CREB5: variants seen among roughly 807,000 people sequenced by gnomAD.
The protein encoded by CREB5 is cyclic AMP-responsive element-binding protein 5.
CREB5 carries 19 observed loss-of-function variants against 57.1 expected under a neutral mutation model. The observed-to-expected ratio is 0.33, with a 90% CI of 0.23 to 0.49. The LOEUF is 0.49. Ranked by LOEUF, CREB5 falls within the 20% of genes least tolerant of loss-of-function variation. The pLI is 0.99. For missense variants in CREB5, 579 were observed against 671.6 expected (o/e 0.86, Z 1.52); for synonymous variants, 238 against 238.3 (o/e 1.00, Z 0.01).
chr7:28,784,626 T>A (rs1357288278), intron 7 of CREB5, among the ~76,000 whole-genome samples: 1 of 152,076 alleles, frequency 6.6e-6, no homozygotes, highest in Non-Finnish European at 1.5e-5. Context: ...ATGCAGAAAT[T>A]TCGCGCCAGT....
At chr7:28,360,703 G>C (rs1049182131) in intron 1 of CREB5, among the ~76,000 whole-genome samples, 1 of 152,088 alleles carries the variant, frequency 6.6e-6, no homozygotes, top group African/African-American at 2.4e-5. Context: ...ATATCACTTT[G>C]TGCCCCATAA....
intron 1 of CREB5, among the ~76,000 whole-genome samples, chr7:28,383,363 C>T (rs1215689181): frequency 6.6e-6 from 1 of 152,142 alleles, no homozygotes; most frequent in East Asian, 1.9e-4. Flanking sequence ...TGTATTAGTC[C>T]ATTCTTGCAT....
At chr7:28,513,398 C>G (rs1019937426) in intron 4 of CREB5, 9 of 152,124 alleles carry the variant, frequency 5.9e-5, no homozygotes. Context: ...TTGAAAATGT[C>G]CCCGTGTTTG....
chr7:28,358,005 A>G (rs1198798835), intron 1 of CREB5, among the ~76,000 whole-genome samples: 1 of 152,172 alleles, frequency 6.6e-6, no homozygotes, highest in Non-Finnish European at 1.5e-5. Flanking sequence ...TGTGGAAAAA[A>G]GAGCCCGAGT....
chr7:28,787,745 G>A (rs988821339), intron 7 of CREB5, among the ~76,000 whole-genome samples: 3 of 152,262 alleles, frequency 2.0e-5, no homozygotes, highest in Non-Finnish European at 4.4e-5. Flanking sequence ...TATAGAGACA[G>A]GGTTTGCCTT....
At chr7:28,674,409 T>C (rs992137075) in intron 5 of CREB5, among the ~76,000 whole-genome samples, 5 of 152,172 alleles carry the variant, frequency 3.3e-5, no homozygotes, top group Non-Finnish European at 7.3e-5. Context: ...CCAGGACTCT[T>C]TCCTGTCCAC....
chr7:28,807,427 C>T (rs1028997800), intron 8 of CREB5, among the ~76,000 whole-genome samples: 6 of 152,070 alleles, frequency 3.9e-5, no homozygotes, highest in Admixed American at 6.6e-5. Context: ...CCAGGCTGGG[C>T]GACAGAGAGA....
rs1794897125 is a variant in CREB5, at chr7:28,556,746, A to G, written c.292-13619A>G. Among the ~76,000 whole-genome samples, 6 of 152,262 alleles carry G rather than the reference A, an allele frequency of 3.9e-5. No homozygotes were observed. The South Asian group carries it at 1.2e-3, about 32-fold the overall frequency. ...CCTGAAAGCCTGGCCCGTACACACA[A>G]TCTTAATGAGCACCTTTAACTGGTG... is the stretch of plus-strand genomic sequence containing the variant. On this transcript the variant is annotated intron_variant, in intron 4 of 10. Transcript: ENST00000357727.
At chr7:28,683,144 C>G (rs1033663600) in intron 5 of CREB5, among the ~76,000 whole-genome samples, 1 of 152,206 alleles carries the variant, frequency 6.6e-6, no homozygotes, top group African/African-American at 2.4e-5. Context: ...TGACTTCTAT[C>G]TACGAAGCCC....
intron 5 of CREB5, among the ~76,000 whole-genome samples, chr7:28,582,303 C>G (rs1301490195): frequency 1.3e-5 from 2 of 152,128 alleles, no homozygotes; most frequent in Non-Finnish European, 2.9e-5. Flanking sequence ...GGGAAATGGC[C>G]TTCATCAGCA....
At chr7:28,696,236 G>A (rs1049918237) in intron 5 of CREB5, among the ~76,000 whole-genome samples, 2 of 152,234 alleles carry the variant, frequency 1.3e-5, no homozygotes, top group African/African-American at 4.8e-5. Context: ...ACTAATTAAT[G>A]ATTGTTAAGT....
At chr7:28,551,821 T>TTATTTTTC (rs1794654298) in intron 4 of CREB5, among the ~76,000 whole-genome samples, 1 of 147,428 alleles carries the variant, frequency 6.8e-6, no homozygotes, top group Non-Finnish European at 1.5e-5. Context: ...CCTCTATGAT[T>TTATTTTTC]TTTCTTTCTT....
intron 7 of CREB5, among the ~76,000 whole-genome samples, chr7:28,741,306 C>A (rs1346619429): frequency 6.6e-6 from 1 of 152,126 alleles, no homozygotes; most frequent in Non-Finnish European, 1.5e-5. Context: ...TATTCCATAA[C>A]GTATCTGAAA....
intron 1 of CREB5, among the ~76,000 whole-genome samples, chr7:28,466,181 C>T (rs555832890): frequency 1.3e-4 from 18 of 140,060 alleles, no homozygotes; most frequent in South Asian, 2.2e-4. Flanking sequence ...TTTACCCAAT[C>T]GCTTTTATCC....
intron 7 of CREB5, among the ~76,000 whole-genome samples, chr7:28,731,167 C>G (rs893913310): frequency 1.1e-4 from 17 of 152,288 alleles, no homozygotes; most frequent in African/African-American, 4.1e-4. Context: ...AACCCCATCT[C>G]CTTTCTGCTG....
Position 28,536,411 on chromosome 7 carries a change from A to G in CREB5, c.291+28674A>G, listed in dbSNP as rs561352484. ...TCCTTGCTGCCTGCTTGCCAACTGCAGCGCTCCCTTCCAGCTCTGAAGCTC... is the reference window on the plus strand; with the variant it reads ...TCCTTGCTGCCTGCTTGCCAACTGCGGCGCTCCCTTCCAGCTCTGAAGCTC... On this transcript the variant is annotated intron_variant, in intron 4 of 10. Transcript: ENST00000357727. 3.9e-5 allele frequency among the ~76,000 whole-genome samples: 6 copies of G among 152,290 alleles called. No individual in the cohort carries two copies. In the South Asian group the frequency reaches 1.2e-3, roughly 32 times the overall value.
chr7:28,797,457 G>A (rs1010935363), intron 7 of CREB5, among the ~76,000 whole-genome samples: 4 of 152,108 alleles, frequency 2.6e-5, no homozygotes, highest in Non-Finnish European at 5.9e-5. Flanking sequence ...TATTTTTCTA[G>A]GTCTTATGGA....
chr7:28,536,348 C>T (rs1475373029), intron 4 of CREB5, among the ~76,000 whole-genome samples: 2 of 152,208 alleles, frequency 1.3e-5, no homozygotes, highest in African/African-American at 4.8e-5. Context: ...TTTTCTCCCA[C>T]TCTATCATGA....
Position 28,535,025 on chromosome 7 carries a change from G to A in CREB5, c.291+27288G>A, listed in dbSNP as rs140731833. ...ATGTGTTTCTTACCTGAGGGCTTGC[G>A]GACTGCAGCTCGCATCTCTGGTTCC... On this transcript the variant is annotated intron_variant, in intron 4 of 10. Coordinates refer to ENST00000357727, the MANE Select transcript of CREB5 (RefSeq NM_182898.4). 7.1e-5 allele frequency among the ~76,000 whole-genome samples: 10 copies of A among 141,440 alleles called. 2 individuals are homozygous for A. The highest frequency in any genetic ancestry group is 3.9e-4 in the East Asian group (2 of 5,076). The allele number at this position is 141,440 out of a possible 152,430, so 92.8% of individuals were successfully genotyped here.
Sources: gnomAD v4.1 joint callset for allele counts (sites outside exome capture counted in the v4.1 genomes callset) on GRCh38, gnomAD v4.1.1 for gene constraint, MANE v1.5 for transcripts, NCBI Gene and HGNC (gene_info 2026-07-23, HGNC 2026-07-21) for gene names.